DNA2: variants seen among roughly 807,000 people sequenced by gnomAD.
DNA2 encodes DNA replication ATP-dependent helicase/nuclease DNA2.
Under a neutral mutation model 119.1 loss-of-function variants are expected in DNA2, and 101 were observed. That is an observed-to-expected ratio of 0.85 (90% CI 0.72 to 1.00). The LOEUF (loss-of-function observed/expected upper bound fraction) is 1.00. Ranked by LOEUF, DNA2 falls within the 50% of genes least tolerant of loss-of-function variation. DNA2 has a pLI of 0.00. For synonymous variants in DNA2, 366 were observed against 424.4 expected (o/e 0.86, Z 1.69); for missense variants, 1,121 against 1,255.5 (o/e 0.89, Z 1.62).
At chr10:68,437,940 G>A (rs941838514) in intron 9 of DNA2, among the ~76,000 whole-genome samples, 3 of 152,006 alleles carry the variant, frequency 2.0e-5, no homozygotes, top group Admixed American at 2.0e-4. Context: ...TCGGACCCCT[G>A]GACTCAAGTG....
chr10:68,455,128 C>T (rs763057844), intron 5 of DNA2, among the ~76,000 whole-genome samples: 4 of 151,682 alleles, frequency 2.6e-5, no homozygotes, highest in South Asian at 2.1e-4. Flanking sequence ...TTAGTAGAGA[C>T]GGGGTTTCAC....
rs373685837 is a variant in DNA2 at position 68,445,013 on chromosome 10, C to T, written c.1128G>A (p.Gln376=). Residue 376 remains glutamine, a synonymous_variant, in exon 8 of 21, where the codon CAG becomes CAA. Transcript: ENST00000358410. The part of the protein sequence containing the change: ...FHRISKSATR[Q]KTQLASLPQI... ...GTGGCAAAGAAGCAAGCTGTGTCTTCTGTCTAGTAGCAGATTTGCTAATAC... is the reference window on the plus strand; with the variant it reads ...GTGGCAAAGAAGCAAGCTGTGTCTTTTGTCTAGTAGCAGATTTGCTAATAC... 6 of 1,613,494 alleles carry T rather than the reference C, an allele frequency of 3.7e-6. No individual in the cohort carries two copies. The highest frequency in any genetic ancestry group is 5.1e-6 in the Non-Finnish European group (6 of 1,179,576).
intron 17 of DNA2, among the ~76,000 whole-genome samples, chr10:68,420,347 G>A (rs2051648568): frequency 6.6e-6 from 1 of 152,148 alleles, no homozygotes; most frequent in Non-Finnish European, 1.5e-5. Flanking sequence ...GACCAGCCTG[G>A]CCAACACAGT....
chr10:68,468,869 G>A (rs1313141998), intron 2 of DNA2, among the ~76,000 whole-genome samples: 1 of 152,062 alleles, frequency 6.6e-6, no homozygotes, highest in Non-Finnish European at 1.5e-5. Flanking sequence ...GGGCAACATG[G>A]TGAAACCCCG....
intron 9 of DNA2, among the ~76,000 whole-genome samples, chr10:68,440,436 T>C (rs886805836): frequency 6.6e-6 from 1 of 152,056 alleles, no homozygotes; most frequent in Non-Finnish European, 1.5e-5. Context: ...TAGCTGGGAC[T>C]ACAGGCACCT....
At chr10:68,419,308 C>A in intron 18 of DNA2, 95 bp from the exon 19 acceptor site, 1 of 980,904 alleles carries the variant, frequency 1.0e-6, no homozygotes, top group East Asian at 3.0e-5. Context: ...ATGTGCCCAA[C>A]TGATGTTTAT....
At chr10:68,455,283 G>A (rs1487422373) in intron 5 of DNA2, among the ~76,000 whole-genome samples, 1 of 151,998 alleles carries the variant, frequency 6.6e-6, no homozygotes, top group Non-Finnish European at 1.5e-5. Flanking sequence ...ACAGAGACCA[G>A]AATGTTATAA....
chr10:68,470,705 AAGG>A (rs1216176295), intron 1 of DNA2: 3 of 377,438 alleles, frequency 7.9e-6, no homozygotes, highest in East Asian at 1.5e-4. Context: ...GTACAAGTAA[AAGG>A]AGATGTTTTG....
chr10:68,465,973 T>C (rs942321704), intron 3 of DNA2, among the ~76,000 whole-genome samples, 161 bp from the exon 4 acceptor site: 1 of 152,206 alleles, frequency 6.6e-6, no homozygotes, highest in African/African-American at 2.4e-5. Context: ...TATAAGTGAC[T>C]TTCACTTTCT....
chr10:68,472,022 C>G (rs763402829), upstream of DNA2: 19 of 1,607,718 alleles, frequency 1.2e-5, no homozygotes, highest in South Asian at 1.0e-4. Context: ...CCGCCCCTCC[C>G]GCGCCGGCGC....
At chr10:68,437,688 C>T (rs1047573648) in intron 9 of DNA2, among the ~76,000 whole-genome samples, 1 of 110,034 alleles carries the variant, frequency 9.1e-6, no homozygotes, top group East Asian at 2.7e-4. Context: ...ACAAAACAGA[C>T]TAATATTGAG....
chr10:68,439,745 A>G (rs35263179), intron 9 of DNA2, among the ~76,000 whole-genome samples: 47,395 of 151,358 alleles, frequency 0.31, 9,055 homozygotes, highest in African/African-American at 0.53. Flanking sequence ...GGCTGAGGCA[A>G]GAGAATCACT....
chr10:68,462,631 G>C (rs929094056), intron 4 of DNA2, among the ~76,000 whole-genome samples: 4 of 152,116 alleles, frequency 2.6e-5, no homozygotes, highest in Admixed American at 6.5e-5. Context: ...ACTCTAGGGT[G>C]GTAGGGGCTT....
chr10:68,457,241 T>C (rs575342663), intron 5 of DNA2, among the ~76,000 whole-genome samples: 1 of 152,266 alleles, frequency 6.6e-6, no homozygotes, highest in East Asian at 1.9e-4. Context: ...GGGGAACTAC[T>C]GCTGCTCTTC....
At chr10:68,420,531 C>T (rs1050952600) in intron 17 of DNA2, among the ~76,000 whole-genome samples, 2 of 152,064 alleles carry the variant, frequency 1.3e-5, no homozygotes, top group Admixed American at 6.6e-5. Context: ...AGTGAGACTC[C>T]GTCTCAGAAT....
chr10:68,470,371 A>T (rs2052370863), intron 1 of DNA2: 1 of 506,962 alleles, frequency 2.0e-6, no homozygotes, highest in Non-Finnish European at 3.5e-6. Flanking sequence ...AAGTAATGCC[A>T]TTTCAAACAT....
chr10:68,450,674 A>C (rs1011494462), intron 5 of DNA2, among the ~76,000 whole-genome samples: 4 of 152,186 alleles, frequency 2.6e-5, no homozygotes, highest in African/African-American at 9.6e-5. Context: ...CTAGATTACA[A>C]CAGTTTTGCT....
At chr10:68,432,038 A>G (rs1393990461) in intron 12 of DNA2, 67 bp from the exon 13 acceptor site, 4 of 1,331,382 alleles carry the variant, frequency 3.0e-6, no homozygotes, top group East Asian at 2.3e-5. Context: ...TAATTATTTC[A>G]TAAGAAAAGC....
At chr10:68,441,715 C>T (rs1005889817) in intron 9 of DNA2, among the ~76,000 whole-genome samples, 2 of 152,034 alleles carry the variant, frequency 1.3e-5, no homozygotes, top group East Asian at 1.9e-4. Flanking sequence ...GCAGAGATTG[C>T]AGTGAGCTGA....
Sources: gnomAD v4.1 joint callset for allele counts (sites outside exome capture counted in the v4.1 genomes callset) on GRCh38, gnomAD v4.1.1 for gene constraint, MANE v1.5 for transcripts, NCBI Gene and HGNC (gene_info 2026-07-23, HGNC 2026-07-21) for gene names.